PARD3B: variants seen among roughly 807,000 people sequenced by gnomAD.
PARD3B encodes the protein partitioning defective 3 homolog B.
Under a neutral mutation model 130.2 loss-of-function variants are expected in PARD3B, and 103 were observed. The ratio of observed to expected loss-of-function variants is 0.79; its 90% confidence interval spans 0.67 to 0.93. The LOEUF (loss-of-function observed/expected upper bound fraction) is 0.93. Ranked by LOEUF, PARD3B falls within the 40% of genes least tolerant of loss-of-function variation. The pLI, the probability that PARD3B is intolerant of heterozygous loss-of-function variation, is 0.00. For missense variants in PARD3B, 1,609 were observed against 1,499.2 expected (o/e 1.07, Z -1.21); for synonymous variants, 583 against 553.2 (o/e 1.05, Z -0.76).
At chr2:204,685,159 G>C (rs1166775265) in intron 1 of PARD3B, among the ~76,000 whole-genome samples, 2 of 152,100 alleles carry the variant, frequency 1.3e-5, no homozygotes, top group Non-Finnish European at 2.9e-5. Flanking sequence ...ATAAAGATTT[G>C]TATGGGAAAG....
intron 3 of PARD3B, among the ~76,000 whole-genome samples, chr2:205,004,489 G>T (rs532388324): frequency 6.6e-6 from 1 of 152,254 alleles, no homozygotes; most frequent in South Asian, 2.1e-4. Context: ...AAACGTTCTT[G>T]CAATAATGCT....
At chr2:204,703,081 C>T (rs1005335482) in intron 2 of PARD3B, among the ~76,000 whole-genome samples, 1 of 152,064 alleles carries the variant, frequency 6.6e-6, no homozygotes, top group African/African-American at 2.4e-5. Context: ...TTTAAAATTA[C>T]CCAGTGAGAT....
chr2:205,200,920 TC>T (rs35393541), intron 15 of PARD3B, among the ~76,000 whole-genome samples: 7,981 of 152,256 alleles, frequency 0.052, 295 homozygotes, highest in East Asian at 0.18. Context: ...ATTGAAGTAA[TC>T]CCCTGGTTCT....
chr2:204,997,383 A>G (rs1045511539), intron 3 of PARD3B, among the ~76,000 whole-genome samples: 5 of 152,178 alleles, frequency 3.3e-5, no homozygotes, highest in Non-Finnish European at 5.9e-5. Context: ...TGAACATGCT[A>G]TATCTTCTCT....
In PARD3B at chr2:204,912,907, CAAAT is replaced by C. The variant is rs1215760000; in HGVS notation, c.223-52243_223-52240del. 1.2e-4 allele frequency among the ~76,000 whole-genome samples: 18 copies of C among 152,194 alleles called. No individual in the cohort carries two copies. The East Asian group carries it at 3.1e-3, about 26-fold the overall frequency. On this transcript the variant is annotated intron_variant, in intron 2 of 22. Coordinates refer to ENST00000406610, the MANE Select transcript of PARD3B (RefSeq NM_001302769.2). Reference sequence around the variant, plus strand: ...TGGCTAATCTGAATACTAACCATAACAAATAGATGTTTGGAAGCATTAAAGTGAT... The same window carrying C: ...TGGCTAATCTGAATACTAACCATAACAGATGTTTGGAAGCATTAAAGTGAT...
chr2:204,756,090 A>C (rs529270944), intron 2 of PARD3B, among the ~76,000 whole-genome samples: 1 of 152,196 alleles, frequency 6.6e-6, no homozygotes, highest in South Asian at 2.1e-4. Flanking sequence ...CAAAATTGTG[A>C]CTAGGATGGA....
chr2:205,377,121 G>T (rs1030166166), intron 18 of PARD3B, among the ~76,000 whole-genome samples: 2 of 152,158 alleles, frequency 1.3e-5, no homozygotes, highest in African/African-American at 4.8e-5. Flanking sequence ...CACAGCTCCT[G>T]TGTGTAAGGA....
chr2:204,591,104 A>G (rs187221053), intron 1 of PARD3B, among the ~76,000 whole-genome samples: 2 of 152,358 alleles, frequency 1.3e-5, no homozygotes, highest in South Asian at 2.1e-4. Context: ...ATTACTGTGT[A>G]TTAATACCCA....
chr2:204,941,957 A>C (rs1024410206), intron 2 of PARD3B, among the ~76,000 whole-genome samples: 5 of 152,208 alleles, frequency 3.3e-5, no homozygotes, highest in Non-Finnish European at 7.4e-5. Context: ...TCCTAAATTC[A>C]TATCTTTAAG....
In PARD3B at chr2:205,407,126, T is replaced by C. The variant is rs972789115; in HGVS notation, c.2741+6003T>C. Reference sequence around the variant, plus strand: ...TTGAACTTGTCATGGCATTGGTTTATGGTAGTGCATACACCATTGTTACCT... The same window carrying C: ...TTGAACTTGTCATGGCATTGGTTTACGGTAGTGCATACACCATTGTTACCT... On this transcript the variant is annotated intron_variant, in intron 19 of 22. Transcript: ENST00000406610. This position sits in a 1 kb window ranked among gnomAD's most constrained non-coding sequence, Gnocchi z 4.1. Among the ~76,000 whole-genome samples the C allele has an allele frequency of 2.6e-5, 4 of 152,194 alleles. No homozygotes were observed. Among genetic ancestry groups the C allele is most frequent in the Non-Finnish European group, 4.4e-5 (3 of 68,036 alleles).
At chr2:205,267,876 G>T (rs1317910656) in intron 16 of PARD3B, among the ~76,000 whole-genome samples, 1 of 152,082 alleles carries the variant, frequency 6.6e-6, no homozygotes, top group Non-Finnish European at 1.5e-5. Flanking sequence ...AATTCTTAGG[G>T]CATCATAAAG....
At position 205,590,649 on chromosome 2, in the gene PARD3B, A is replaced by C. The variant is rs935693936; in HGVS notation, c.3261-24807A>C. Among the ~76,000 whole-genome samples, 1 of 152,174 alleles carries C rather than the reference A, an allele frequency of 6.6e-6. No homozygotes were observed. The highest frequency in any genetic ancestry group is 2.4e-5 in the African/African-American group (1 of 41,448). On this transcript the variant is annotated intron_variant, in intron 22 of 22. Coordinates refer to ENST00000406610, the MANE Select transcript of PARD3B (RefSeq NM_001302769.2). The surrounding 1 kb of genome is among the most constrained non-coding windows in gnomAD (Gnocchi z 4.1). Reference sequence around the variant, plus strand: ...AAGAACAGAAGGCTGTCACCAGGATAAAGTAGGACAGATGCTAGACTGGCA... The same window carrying C: ...AAGAACAGAAGGCTGTCACCAGGATCAAGTAGGACAGATGCTAGACTGGCA...
At chr2:204,966,692 A>G (rs1483552211) in intron 3 of PARD3B, among the ~76,000 whole-genome samples, 8 of 152,126 alleles carry the variant, frequency 5.3e-5, no homozygotes, top group Admixed American at 5.2e-4. Context: ...TGTTTTCTTC[A>G]GCTTTTTTGT....
intron 3 of PARD3B, among the ~76,000 whole-genome samples, chr2:205,006,273 G>C (rs188436101): frequency 1.3e-5 from 2 of 152,122 alleles, no homozygotes; most frequent in African/African-American, 4.8e-5. Context: ...TGCTGTAAAC[G>C]TGTGTATATG....
intron 19 of PARD3B, among the ~76,000 whole-genome samples, chr2:205,411,027 A>G (rs367547641): frequency 1.8e-4 from 28 of 152,126 alleles, no homozygotes; most frequent in African/African-American, 6.5e-4. Flanking sequence ...GTGGTTCTCA[A>G]CTTTGGGTGA....
chr2:205,518,315 T>C (rs2050880965), intron 21 of PARD3B, among the ~76,000 whole-genome samples: 1 of 152,168 alleles, frequency 6.6e-6, no homozygotes, highest in Admixed American at 6.5e-5. Flanking sequence ...AATTGAACCC[T>C]TTACCATTAT....
At chr2:204,948,194 G>A (rs1442074293) in intron 2 of PARD3B, among the ~76,000 whole-genome samples, 1 of 152,116 alleles carries the variant, frequency 6.6e-6, no homozygotes, top group African/African-American at 2.4e-5. Context: ...AGGATTTATG[G>A]AGTCATTTTC....
intron 16 of PARD3B, among the ~76,000 whole-genome samples, chr2:205,275,348 G>A (rs1037154759): frequency 1.2e-4 from 19 of 152,140 alleles, no homozygotes; most frequent in African/African-American, 4.6e-4. Flanking sequence ...ATGAGGTCAT[G>A]AATTACAAGT....
intron 2 of PARD3B, among the ~76,000 whole-genome samples, chr2:204,692,773 A>C (rs1029671415): frequency 6.6e-6 from 1 of 152,066 alleles, no homozygotes; most frequent in Non-Finnish European, 1.5e-5. Flanking sequence ...TACCTTGGTC[A>C]TGAAATTTTA....
Sources: allele counts gnomAD v4.1 joint callset (sites outside exome capture counted in the v4.1 genomes callset), GRCh38; gene constraint gnomAD v4.1.1; non-coding constraint Gnocchi (gnomAD v3.1); transcripts MANE v1.5; gene names NCBI Gene and HGNC (gene_info 2026-07-23, HGNC 2026-07-21).